KLHL25: variants seen among roughly 807,000 people sequenced by gnomAD.
KLHL25 encodes the protein kelch like family member 25.
A neutral mutation model predicts 30.0 loss-of-function variants in KLHL25; 41 were observed. That is an observed-to-expected ratio of 1.37 (90% CI 1.07 to 1.78). The LOEUF is 1.78. KLHL25 is among the 40% of genes most tolerant of loss of function. The pLI, the probability that KLHL25 is intolerant of heterozygous loss-of-function variation, is 0.00. For synonymous variants in KLHL25, 399 were observed against 355.3 expected, an observed-to-expected ratio of 1.12 and a Z score of -1.38; for missense variants, 971 against 824.5, an observed-to-expected ratio of 1.18 and a Z score of -2.18.
chr15:85,765,607 G>C, intron 2 of KLHL25, among the ~76,000 whole-genome samples: 1 of 128,978 alleles, frequency 7.8e-6, no homozygotes, highest in South Asian at 2.9e-4. Context: ...GCCTGGGGGA[G>C]AACGAGACTG....
chr15:85,762,252 C>G (rs946265419), intron 2 of KLHL25: 2 of 152,356 alleles, frequency 1.3e-5, no homozygotes, highest in Non-Finnish European at 2.9e-5. Flanking sequence ...GGTCTTGGCC[C>G]CATCCCAGCA....
chr15:85,791,632 G>T (rs931033077), intron 1 of KLHL25, among the ~76,000 whole-genome samples: 2 of 151,962 alleles, frequency 1.3e-5, no homozygotes, highest in African/African-American at 4.8e-5. Flanking sequence ...CGGGGGTGAG[G>T]TGACTGGGGA....
In KLHL25 at chr15:85,768,707, C is replaced by T. The variant is rs771722868; in HGVS notation, c.1104G>A (p.Trp368Ter). The T allele has an allele frequency of 3.7e-6, 6 of 1,613,596 alleles. No individual in the cohort carries two copies. The highest frequency in any genetic ancestry group is 1.3e-5 in the African/African-American group (1 of 75,074). ...VWVYDTVHEE[W>*]SKAAPMLIAR... ...CAATCAGCATGGGCGCCGCCTTGGACCATTCCTCATGTACGGTGTCGTACA... is the reference window on the plus strand; with the variant it reads ...CAATCAGCATGGGCGCCGCCTTGGATCATTCCTCATGTACGGTGTCGTACA... Residue 368 changes from tryptophan to a stop codon, truncating the protein, a stop_gained, in exon 2 of 3, where the codon TGG (tryptophan) becomes TGA (stop). Coordinates refer to ENST00000337975, the MANE Select transcript of KLHL25 (RefSeq NM_022480.4). LOFTEE classifies it high-confidence loss of function.
chr15:85,776,888 G>A (rs780261857), intron 1 of KLHL25, among the ~76,000 whole-genome samples: 10 of 151,732 alleles, frequency 6.6e-5, no homozygotes, highest in Non-Finnish European at 1.2e-4. Context: ...TGCCACCATC[G>A]CACTCCAGCC....
intron 1 of KLHL25, among the ~76,000 whole-genome samples, chr15:85,777,403 A>T (rs1328046820): frequency 6.6e-6 from 1 of 152,172 alleles, no homozygotes; most frequent in Non-Finnish European, 1.5e-5. Context: ...CCCCACCCAG[A>T]CACAGACACA....
intron 1 of KLHL25, among the ~76,000 whole-genome samples, chr15:85,778,664 G>C (rs1052813563): frequency 2.0e-5 from 3 of 152,180 alleles, no homozygotes; most frequent in African/African-American, 7.2e-5. Flanking sequence ...CCCAAGACTG[G>C]GGAAGGGGCG....
chr15:85,777,102 G>A (rs921694975), intron 1 of KLHL25, among the ~76,000 whole-genome samples: 3 of 152,170 alleles, frequency 2.0e-5, no homozygotes, highest in African/African-American at 4.8e-5. Context: ...CATGCCTCCT[G>A]CACAGGAATG....
chr15:85,765,541 G>C (rs1163325212), intron 2 of KLHL25, among the ~76,000 whole-genome samples: 2 of 150,346 alleles, frequency 1.3e-5, no homozygotes, highest in Non-Finnish European at 3.0e-5. Flanking sequence ...AAGGAGAATC[G>C]CTTGAACCCA....
At chr15:85,778,733 T>G (rs1226926413) in intron 1 of KLHL25, among the ~76,000 whole-genome samples, 1 of 152,054 alleles carries the variant, frequency 6.6e-6, no homozygotes, top group Non-Finnish European at 1.5e-5. Flanking sequence ...AGAAGAGAGG[T>G]CTGTGGGGCC....
At chr15:85,778,823 A>G (rs1246380531) in intron 1 of KLHL25, among the ~76,000 whole-genome samples, 2 of 152,290 alleles carry the variant, frequency 1.3e-5, no homozygotes, top group African/African-American at 4.8e-5. Flanking sequence ...CTTCTCCACC[A>G]GCTTCTGTGC....
chr15:85,763,461 G>A (rs1466778467), intron 2 of KLHL25: 5 of 152,272 alleles, frequency 3.3e-5, no homozygotes, highest in Admixed American at 1.3e-4. Flanking sequence ...CCTAGTGGGC[G>A]CCCTCCAACA....
rs773330460 is a variant in KLHL25 at position 85,769,128 on chromosome 15, T to A, written c.683A>T (p.His228Leu). Reference protein sequence around the residue: ...VKHDLEPRKVHLPELLRSVRL... With the variant: ...VKHDLEPRKVLLPELLRSVRL... Reference sequence around the variant, plus strand: ...CACGCTGCGGAGGAGCTCGGGCAAGTGGACCTTCCGTGGCTCCAGGTCGTG... The same window carrying A: ...CACGCTGCGGAGGAGCTCGGGCAAGAGGACCTTCCGTGGCTCCAGGTCGTG... Residue 228 changes from histidine to leucine, a missense_variant, in exon 2 of 3, where the codon CAC (histidine) becomes CTC (leucine). Coordinates refer to ENST00000337975, the MANE Select transcript of KLHL25 (RefSeq NM_022480.4). The A allele has an allele frequency of 5.0e-6, 8 of 1,607,922 alleles. No homozygotes were observed. The highest frequency in any genetic ancestry group is 1.7e-5 in the Admixed American group (1 of 59,912).
At chr15:85,787,172 C>T (rs1370137683) in intron 1 of KLHL25, among the ~76,000 whole-genome samples, 3 of 117,728 alleles carry the variant, frequency 2.5e-5, no homozygotes, top group African/African-American at 6.6e-5. Flanking sequence ...GGGGGCTGGG[C>T]GCAGTGGCTC....
chr15:85,761,596 G>C (rs529397215), intron 2 of KLHL25: 2 of 145,762 alleles, frequency 1.4e-5, no homozygotes, highest in African/African-American at 2.6e-5. Context: ...AGCTCTCCTG[G>C]TTCTGCAGCT....
Position 85,768,860 on chromosome 15 carries a change from G to A in KLHL25, c.951C>T (p.Ala317=). The change falls in exon 2 of 3, where the codon GCC becomes GCT. Residue 317 remains alanine, a synonymous_variant. Coordinates refer to ENST00000337975, the MANE Select transcript of KLHL25 (RefSeq NM_022480.4). The part of the protein sequence containing the change: ...CDKIYQVDHK[A]KEIIPKADLP... ...GGTCGGCCTTGGGGATGATCTCCTT[G>A]GCCTTGTGGTCCACCTGGTAGATCT... 1 of 1,613,350 alleles carries A rather than the reference G, an allele frequency of 6.2e-7. No individual in the cohort carries two copies. The highest frequency in any genetic ancestry group is 8.5e-7 in the Non-Finnish European group (1 of 1,180,046).
At chr15:85,785,411 T>TCC (rs955080958) in intron 1 of KLHL25, among the ~76,000 whole-genome samples, 4 of 152,160 alleles carry the variant, frequency 2.6e-5, no homozygotes, top group Non-Finnish European at 4.4e-5. Flanking sequence ...TATTCCTATA[T>TCC]CCTGGTCCTT....
rs1488016613 is a variant in KLHL25, at chr15:85,769,607, G to A, written c.204C>T (p.Ser68=). The change falls in exon 2 of 3, where the codon AGC becomes AGT. Residue 68 remains serine, a synonymous_variant. Transcript: ENST00000337975. ...GGCTGAACATGGCCTCAAAATAGCG[G>A]CTAGAGGCGGCCAGCACGGCACGGT... ...PCHRAVLAAS[S]RYFEAMFSHG... is the part of the protein sequence containing the mutation. The A allele has an allele frequency of 6.2e-7, 1 of 1,613,246 alleles. No homozygotes were observed. Among genetic ancestry groups the A allele is most frequent in the Non-Finnish European group, 8.5e-7 (1 of 1,180,046 alleles).
chr15:85,773,759 G>A (rs2089692512), intron 1 of KLHL25, among the ~76,000 whole-genome samples: 1 of 152,190 alleles, frequency 6.6e-6, no homozygotes, highest in South Asian at 2.1e-4. Flanking sequence ...AGGGCTGGGA[G>A]TGGGAAGGGG....
intron 1 of KLHL25, among the ~76,000 whole-genome samples, chr15:85,783,824 G>A (rs539075938): frequency 2.6e-5 from 4 of 152,172 alleles, no homozygotes; most frequent in Non-Finnish European, 5.9e-5. Flanking sequence ...CTACCAGGAA[G>A]GTTAGATGCT....
Sources: gnomAD v4.1 joint callset for allele counts (sites outside exome capture counted in the v4.1 genomes callset) on GRCh38, gnomAD v4.1.1 for gene constraint, MANE v1.5 for transcripts, NCBI Gene and HGNC (gene_info 2026-07-23, HGNC 2026-07-21) for gene names.